Variants in RUNDC3A observed in about 807,000 individuals in gnomAD.
RUNDC3A encodes RUN domain-containing protein 3A.
RUNDC3A carries 28 observed loss-of-function variants against 53.9 expected under a neutral mutation model. The ratio of observed to expected loss-of-function variants is 0.52; its 90% CI spans 0.38 to 0.71. RUNDC3A has a LOEUF of 0.71. RUNDC3A is among the 30% of genes least tolerant of loss of function. The pLI is 0.00. For missense variants in RUNDC3A, 491 were observed against 597.3 expected, an observed-to-expected ratio of 0.82 and a Z score of 1.85; for synonymous variants, 232 against 249.4, an observed-to-expected ratio of 0.93 and a Z score of 0.66.
Position 44,315,631 on chromosome 17 carries a change from AC to A in RUNDC3A, c.953+26del. On this transcript the variant is annotated intron_variant, in intron 8 of 10. Coordinates refer to ENST00000426726, the MANE Select transcript of RUNDC3A (RefSeq NM_001144825.2). This position sits in a 1 kb window ranked among gnomAD's most constrained non-coding sequence, Gnocchi z 6.1. ...AGCTGTGAGCGCACGGCCTGCCCTA[AC>A]CCCTGACCCCCGCCGCCCCGACCAC... 1.4e-6 allele frequency: 2 copies of A among 1,408,982 alleles called. No individual in the cohort carries two copies. Among genetic ancestry groups the A allele is most frequent in the Admixed American group, 3.0e-5 (1 of 33,282 alleles). The allele number at this position is 1,408,982 out of a possible 1,614,324, so 87.3% of individuals were successfully genotyped here.
At chr17:44,314,853 G>A (rs377115472) in intron 5 of RUNDC3A, 29 bp downstream of exon 5, 71 of 1,613,824 alleles carry the variant, frequency 4.4e-5, no homozygotes, top group African/African-American at 1.1e-4. Context: ...CAGTGGTGGA[G>A]GGGGCTGTTT....
chr17:44,311,819 T>A (rs2047752444), intron 1 of RUNDC3A, among the ~76,000 whole-genome samples: 1 of 152,012 alleles, frequency 6.6e-6, no homozygotes, highest in Admixed American at 6.6e-5. Flanking sequence ...CTTAGTCCCT[T>A]CCTCCCAAAG....
chr17:44,316,810 TTC>T (rs1284068945), intron 10 of RUNDC3A, 85 bp downstream of exon 10: 7 of 725,396 alleles, frequency 9.6e-6, no homozygotes, highest in Non-Finnish European at 1.6e-5. Context: ...TCCTCATTCA[TTC>T]TCTTAGTCTT....
chr17:44,314,674 TGGGGG>T, intron 4 of RUNDC3A, 56 bp from the exon 5 acceptor site: 38 of 839,636 alleles, frequency 4.5e-5, no homozygotes, highest in Non-Finnish European at 5.5e-5. Flanking sequence ...ATAGCAGCTC[TGGGGG>T]GGGGGGGGGC....
chr17:44,314,901 C>T (rs2047826388), intron 5 of RUNDC3A, 28 bp from the exon 6 acceptor site: 1 of 1,614,060 alleles, frequency 6.2e-7, no homozygotes, highest in Non-Finnish European at 8.5e-7. Flanking sequence ...TCACACCCAC[C>T]TCCAACCCTG....
chr17:44,315,657 C>A lies in RUNDC3A; in HGVS notation c.953+48C>A. 6.7e-6 allele frequency: 9 copies of A among 1,347,898 alleles called. No homozygotes were observed. Among genetic ancestry groups the A allele is most frequent in the African/African-American group, 1.5e-5 (1 of 65,438 alleles). The allele number at this position is 1,347,898 out of a possible 1,614,324, so 83.5% of individuals were successfully genotyped here. On this transcript the variant is annotated intron_variant, in intron 8 of 10. Coordinates refer to ENST00000426726, the MANE Select transcript of RUNDC3A (RefSeq NM_001144825.2). The surrounding 1 kb of genome is among the most constrained non-coding windows in gnomAD (Gnocchi z 6.1). ...CCCCTGACCCCCGCCGCCCCGACCA[C>A]ATCACCGGGTGAACCCCATCTTCAC...
intron 10 of RUNDC3A, 84 bp downstream of exon 10, chr17:44,316,809 ATTCT>A: frequency 1.5e-6 from 1 of 686,592 alleles, no homozygotes; most frequent in African/African-American, 1.9e-5. Flanking sequence ...GTCCTCATTC[ATTCT>A]CTTAGTCTTT....
chr17:44,309,725 C>T (rs777204063), intron 1 of RUNDC3A, among the ~76,000 whole-genome samples: 4 of 152,150 alleles, frequency 2.6e-5, no homozygotes, highest in African/African-American at 7.2e-5. Flanking sequence ...GTGCTGGGAT[C>T]CCCTGTCAGC....
At position 44,318,637 on chromosome 17, in the gene RUNDC3A, G is replaced by A. The variant is rs543296447; in HGVS notation, c.*399G>A. 1.4e-4 allele frequency: 26 copies of A among 183,608 alleles called. No individual in the cohort carries two copies. The highest frequency in any genetic ancestry group is 6.0e-4 in the African/African-American group (26 of 43,004). The allele number at this position is 183,608 out of a possible 1,614,324, so 11.4% of individuals were successfully genotyped here. On this transcript the variant is annotated 3_prime_UTR_variant, in exon 11 of 11. Coordinates refer to ENST00000426726, the MANE Select transcript of RUNDC3A (RefSeq NM_001144825.2). ...GAGTCACTCCTTCCTCAGCCCCCAGGGCAAGAGAGCTCAAATAAAAACCAG... is the reference window on the plus strand; with the variant it reads ...GAGTCACTCCTTCCTCAGCCCCCAGAGCAAGAGAGCTCAAATAAAAACCAG...
In RUNDC3A at chr17:44,318,505, T is replaced by C; in HGVS notation, c.*267T>C. 2.1e-6 allele frequency: 1 copy of C among 477,094 alleles called. No individual in the cohort carries two copies. Among genetic ancestry groups the C allele is most frequent in the South Asian group, 2.8e-5 (1 of 35,812 alleles). The allele number at this position is 477,094 out of a possible 1,614,324, so 29.6% of individuals were successfully genotyped here. On this transcript the variant is annotated 3_prime_UTR_variant, in exon 11 of 11. Coordinates refer to ENST00000426726, the MANE Select transcript of RUNDC3A (RefSeq NM_001144825.2). ...AGCCTGCTCCATTCTTCTGGTGACC[T>C]TGGCGCTCCTTCACTCATCTCCCCT...
In RUNDC3A at chr17:44,315,429, C is replaced by T; in HGVS notation, c.796-23C>T. ...CGGCCGGGACGTCCTCCCAGCCGCCCGGGCTGAGCCGGCGCCCCGCAGGGC... is the reference window on the plus strand; with the variant it reads ...CGGCCGGGACGTCCTCCCAGCCGCCTGGGCTGAGCCGGCGCCCCGCAGGGC... On this transcript the variant is annotated intron_variant, in intron 7 of 10. Coordinates refer to ENST00000426726, the MANE Select transcript of RUNDC3A (RefSeq NM_001144825.2). This position sits in a 1 kb window ranked among gnomAD's most constrained non-coding sequence, Gnocchi z 6.1. 1 of 1,402,568 alleles carries T rather than the reference C, an allele frequency of 7.1e-7. No individual in the cohort carries two copies. The highest frequency in any genetic ancestry group is 1.6e-5 in the South Asian group (1 of 62,372). The allele number at this position is 1,402,568 out of a possible 1,614,324, so 86.9% of individuals were successfully genotyped here.
rs1598329488 is a variant in RUNDC3A at position 44,315,368 on chromosome 17, T to C, written c.795+48T>C. ...GGGGGCGGGCGGGCCGGGCGGGGGA[T>C]CCGGGCATCCCGGGGCGGGGCGGGG... On this transcript the variant is annotated intron_variant, in intron 7 of 10. Coordinates refer to ENST00000426726, the MANE Select transcript of RUNDC3A (RefSeq NM_001144825.2). This position sits in a 1 kb window ranked among gnomAD's most constrained non-coding sequence, Gnocchi z 6.1. 1 of 701,686 alleles carries C rather than the reference T, an allele frequency of 1.4e-6. No homozygotes were observed. Among genetic ancestry groups the C allele is most frequent in the East Asian group, 7.9e-5 (1 of 12,642 alleles). The allele number at this position is 701,686 out of a possible 1,614,324, so 43.5% of individuals were successfully genotyped here. A position where few individuals can be genotyped will look rare whatever the true frequency, so the allele number is the denominator to read the frequency against.
intron 5 of RUNDC3A, 32 bp downstream of exon 5, chr17:44,314,856 G>A (rs768022042): frequency 2.5e-6 from 4 of 1,613,924 alleles, no homozygotes; most frequent in South Asian, 1.1e-5. Context: ...TGGTGGAGGG[G>A]GCTGTTTCCC....
At chr17:44,312,997 A>T in intron 2 of RUNDC3A, 107 bp from the exon 3 acceptor site, 1 of 1,275,590 alleles carries the variant, frequency 7.8e-7, no homozygotes, top group Non-Finnish European at 1.1e-6. Context: ...GTGTGCACAG[A>T]TCTTTGTGGG....
chr17:44,317,361 G>C, intron 10 of RUNDC3A: 1 of 732,300 alleles, frequency 1.4e-6, no homozygotes, highest in Non-Finnish European at 2.6e-6. Flanking sequence ...TGGTTTTTTA[G>C]TGTCATGACA....
At position 44,315,710 on chromosome 17, in the gene RUNDC3A, C is replaced by G. The variant is rs1016789130; in HGVS notation, c.953+101C>G. ...CCATCGACTCTAACATCACCCGACA[C>G]GAGCACCCACCTCTCCAGCATCAAC... On this transcript the variant is annotated intron_variant, in intron 8 of 10. Transcript: ENST00000426726. This position sits in a 1 kb window ranked among gnomAD's most constrained non-coding sequence, Gnocchi z 6.1. 2.5e-5 allele frequency: 27 copies of G among 1,099,554 alleles called. No homozygotes were observed. Among genetic ancestry groups the G allele is most frequent in the African/African-American group, 1.2e-4 (7 of 60,616 alleles). 68.1% of individuals were successfully genotyped at this position (1,099,554 alleles called of 1,614,324 possible).
chr17:44,315,254 T>A lies in RUNDC3A; in HGVS notation c.729T>A (p.Asp243Glu), dbSNP rs708386. 1.9e-6 allele frequency: 3 copies of A among 1,550,300 alleles called. No homozygotes were observed. Among genetic ancestry groups the A allele is most frequent in the Non-Finnish European group, 2.6e-6 (3 of 1,146,696 alleles). ...PEHPYLPLVT[D>E]EDSWYSKWHK... ...ACCCGTACCTCCCGCTCGTCACCGATGAGGACAGCTGGTACAGCAAGTGGC... is the reference window on the plus strand; with the variant it reads ...ACCCGTACCTCCCGCTCGTCACCGAAGAGGACAGCTGGTACAGCAAGTGGC... Residue 243 changes from aspartate (D) to glutamate (E), a missense_variant, in exon 7 of 11, where the codon GAT becomes GAA. Around this residue, in one of 2 missense-constraint regions of RUNDC3A, gnomAD observed 273 missense variants for 389.0 expected, o/e 0.70. Coordinates refer to ENST00000426726, the MANE Select transcript of RUNDC3A (RefSeq NM_001144825.2). The surrounding 1 kb of genome is among the most constrained non-coding windows in gnomAD (Gnocchi z 6.1).
chr17:44,314,688 G>GGGGGGGGCCCCCC, intron 4 of RUNDC3A, 47 bp from the exon 5 acceptor site: 1 of 931,058 alleles, frequency 1.1e-6, no homozygotes, highest in Non-Finnish European at 1.5e-6. Flanking sequence ...GGGGGGGGGG[G>GGGGGGGGCCCCCC]CGCTCCAGGG....
rs1297590029 is a variant in RUNDC3A, at chr17:44,313,501, C to A, written c.456C>A (p.Thr152=). The change falls in exon 4 of 11, where the codon ACC becomes ACA. Residue 152 remains threonine, a splice_region_variant and synonymous_variant. Coordinates refer to ENST00000426726, the MANE Select transcript of RUNDC3A (RefSeq NM_001144825.2). ...CGGCTCTGCGTGACACCCGGACCAC[C>A]AGGTCAGACTTCCCAGGCAACTCAG... ...ITTALRDTRT[T]RRFYDSGAIM... 6.2e-7 allele frequency: 1 copy of A among 1,607,972 alleles called. No individual in the cohort carries two copies.
Sources: gnomAD v4.1 joint callset for allele counts (sites outside exome capture counted in the v4.1 genomes callset) on GRCh38, gnomAD v4.1.1 for gene constraint, gnomAD v4.1.1 regional missense constraint, Gnocchi (gnomAD v3.1) non-coding constraint, MANE v1.5 for transcripts, NCBI Gene and HGNC (gene_info 2026-07-23, HGNC 2026-07-21) for gene names.